Variants in RLF observed in about 807,000 individuals in gnomAD.
RLF encodes zinc finger protein Rlf.
In RLF, 7 loss-of-function variants were observed where a neutral mutation model predicts 162.9. The observed-to-expected ratio is 0.04, with a 90% confidence interval of 0.02 to 0.08. The LOEUF (loss-of-function observed/expected upper bound fraction) is 0.08, where lower values mean the gene tolerates loss of function less well. RLF is among the 10% of genes least tolerant of loss of function. The pLI is 1.00. For missense variants in RLF, 1,664 were observed against 2,244.7 expected (o/e 0.74, Z 5.23); for synonymous variants, 782 against 791.5 (o/e 0.99, Z 0.20).
Position 40,240,569 on chromosome 1 carries a change from A to G in RLF, c.*122A>G. On this transcript the variant is annotated 3_prime_UTR_variant, in exon 8 of 8. Coordinates refer to ENST00000372771, the MANE Select transcript of RLF (RefSeq NM_012421.4). ...TTAGGGTAGAATAGGCTGTGTATTT[A>G]CATGAATGTATAATATCTATGTCAG... The G allele has an allele frequency of 3.0e-6, 2 of 677,070 alleles. No individual in the cohort carries two copies. Among genetic ancestry groups the G allele is most frequent in the East Asian group, 2.7e-5 (1 of 37,378 alleles). 41.9% of individuals were successfully genotyped at this position (677,070 alleles called of 1,614,324 possible).
At chr1:40,169,192 G>A (rs951780457) in intron 1 of RLF, among the ~76,000 whole-genome samples, 93 of 152,240 alleles carry the variant, frequency 6.1e-4, no homozygotes, top group African/African-American at 2.0e-3. Context: ...GTCCAGAGAC[G>A]TTAAGTAACT....
intron 1 of RLF, among the ~76,000 whole-genome samples, chr1:40,180,809 G>A (rs1393620558): frequency 2.0e-5 from 3 of 152,154 alleles, no homozygotes; most frequent in Non-Finnish European, 4.4e-5. Flanking sequence ...ACAGATATAA[G>A]ATTTGCTGTA....
intron 6 of RLF, among the ~76,000 whole-genome samples, chr1:40,225,311 G>A (rs933144051): frequency 6.6e-6 from 1 of 152,148 alleles, no homozygotes; most frequent in African/African-American, 2.4e-5. Flanking sequence ...AGGCGCAGTA[G>A]CTCACGCCTG....
chr1:40,180,125 T>C (rs1269449535), intron 1 of RLF, among the ~76,000 whole-genome samples: 1 of 152,212 alleles, frequency 6.6e-6, no homozygotes, highest in Non-Finnish European at 1.5e-5. Context: ...TTGGATCATA[T>C]GGTATTTCTG....
chr1:40,197,538 T>TA (rs942075400), intron 4 of RLF, among the ~76,000 whole-genome samples: 9 of 152,208 alleles, frequency 5.9e-5, no homozygotes, highest in African/African-American at 1.9e-4. Context: ...TTTCCCCTGA[T>TA]ATACTAATCA....
chr1:40,162,988 G>T (rs1570506676), intron 1 of RLF, among the ~76,000 whole-genome samples: 1 of 152,176 alleles, frequency 6.6e-6, no homozygotes, highest in East Asian at 1.9e-4. Flanking sequence ...ACTTACAGTT[G>T]GTGGGAGGTG....
At chr1:40,169,688 G>A (rs1340200972) in intron 1 of RLF, among the ~76,000 whole-genome samples, 2 of 149,808 alleles carry the variant, frequency 1.3e-5, no homozygotes, top group South Asian at 2.1e-4. Flanking sequence ...ATATAAGTTG[G>A]GATAAGCTTT....
chr1:40,237,608 G>A lies in RLF; in HGVS notation c.2906G>A (p.Arg969Lys), dbSNP rs1198942443. 8 of 1,614,132 alleles carry A rather than the reference G, an allele frequency of 5.0e-6. No homozygotes were observed. The highest frequency in any genetic ancestry group is 6.8e-6 in the Non-Finnish European group (8 of 1,180,014). Residue 969 changes from arginine to lysine, a missense_variant, in exon 8 of 8, where the codon AGA becomes AAA. Coordinates refer to ENST00000372771, the MANE Select transcript of RLF (RefSeq NM_012421.4). The surrounding 1 kb of genome is among the most constrained non-coding windows in gnomAD (Gnocchi z 4.4). ...DGCGSTYKNA[R>K]GMQKHLRKVH... ...TGTGGTTCCACATACAAAAATGCAA[G>A]AGGAATGCAGAAACATTTACGGAAG...
At position 40,239,772 on chromosome 1, in the gene RLF, GCCT is replaced by G. The variant is rs755083977; in HGVS notation, c.5080_5082del (p.Pro1694del). ...CCCTAGAACAGTGTAATATAGTTCAGCCTCCTCCTCCTTGTAAAATAGAAAATT... is the reference window on the plus strand; with the variant it reads ...CCCTAGAACAGTGTAATATAGTTCAGCCTCCTCCTTGTAAAATAGAAAATT... On this transcript the variant is annotated inframe_deletion, in exon 8 of 8. Transcript: ENST00000372771. The G allele has an allele frequency of 2.0e-5, 33 of 1,614,126 alleles. No individual in the cohort carries two copies. In the East Asian group the frequency reaches 3.6e-4, roughly 17 times the overall value.
chr1:40,235,745 C>T (rs1454791605), intron 7 of RLF, 47 bp from the exon 8 acceptor site: 3 of 1,367,318 alleles, frequency 2.2e-6, no homozygotes, highest in Non-Finnish European at 2.9e-6. Flanking sequence ...GTTATATAAT[C>T]TTTCTGTATG....
At chr1:40,230,470 C>T (rs1252390408) in intron 6 of RLF, among the ~76,000 whole-genome samples, 3 of 151,938 alleles carry the variant, frequency 2.0e-5, no homozygotes, top group Non-Finnish European at 2.9e-5. Context: ...CTTGCTCTGT[C>T]GCCTAGGCTG....
At chr1:40,197,988 T>C (rs571387304) in intron 4 of RLF, among the ~76,000 whole-genome samples, 44 of 152,272 alleles carry the variant, frequency 2.9e-4, no homozygotes, top group Non-Finnish European at 6.3e-4. Flanking sequence ...AAAGATGCCA[T>C]GGAAGAGCTG....
chr1:40,229,510 A>G (rs958402029), intron 6 of RLF, among the ~76,000 whole-genome samples: 2 of 130,746 alleles, frequency 1.5e-5, no homozygotes, highest in African/African-American at 6.0e-5. Flanking sequence ...GCTGGAGCGC[A>G]GTGGTGCAAT....
At chr1:40,211,840 CT>C (rs1642869229) in intron 5 of RLF, among the ~76,000 whole-genome samples, 1 of 152,150 alleles carries the variant, frequency 6.6e-6, no homozygotes, top group African/African-American at 2.4e-5. Context: ...TGGTGACCAG[CT>C]GGTCTCAAAC....
intron 5 of RLF, among the ~76,000 whole-genome samples, chr1:40,204,210 T>G (rs1642758838): frequency 6.6e-6 from 1 of 151,826 alleles, no homozygotes; most frequent in Non-Finnish European, 1.5e-5. Flanking sequence ...AGAGATGGGG[T>G]TTCACCATCT....
intron 1 of RLF, among the ~76,000 whole-genome samples, chr1:40,169,593 A>G (rs1642212602): frequency 7.3e-6 from 1 of 137,048 alleles, no homozygotes; most frequent in South Asian, 2.5e-4. Flanking sequence ...TCCGCAGTCC[A>G]GCCTGGGCGA....
chr1:40,239,778 T>A lies in RLF; in HGVS notation c.5076T>A (p.Pro1692=), dbSNP rs1482596183. The part of the protein sequence containing the change: ...SLEQCNIVQP[P]PPCKIENSIP... ...AACAGTGTAATATAGTTCAGCCTCC[T>A]CCTCCTTGTAAAATAGAAAATTCCA... is the stretch of plus-strand genomic sequence containing the variant. The change falls in exon 8 of 8, where the codon CCT becomes CCA. Residue 1692 remains proline, a synonymous_variant. Transcript: ENST00000372771. 6.2e-7 allele frequency: 1 copy of A among 1,614,140 alleles called. No individual in the cohort carries two copies. Among genetic ancestry groups the A allele is most frequent in the Non-Finnish European group, 8.5e-7 (1 of 1,180,022 alleles).
intron 4 of RLF, among the ~76,000 whole-genome samples, chr1:40,201,149 G>T (rs1474209949): frequency 1.5e-5 from 2 of 132,764 alleles, no homozygotes; most frequent in East Asian, 4.5e-4. Context: ...ATCAGAATCT[G>T]CATTTTAATA....
At chr1:40,212,921 A>T (rs1460768966) in intron 5 of RLF, among the ~76,000 whole-genome samples, 1 of 152,180 alleles carries the variant, frequency 6.6e-6, no homozygotes, top group Non-Finnish European at 1.5e-5. Context: ...GTAAGAATCA[A>T]GATTAAGATG....
Sources: allele counts gnomAD v4.1 joint callset (sites outside exome capture counted in the v4.1 genomes callset), GRCh38; gene constraint gnomAD v4.1.1; non-coding constraint Gnocchi (gnomAD v3.1); transcripts MANE v1.5; gene names NCBI Gene and HGNC (gene_info 2026-07-23, HGNC 2026-07-21).